ZNF518A: variants seen among roughly 807,000 people sequenced by gnomAD.
The protein encoded by ZNF518A is zinc finger protein 518.
In ZNF518A, 47 loss-of-function variants were observed where a neutral mutation model predicts 102.7. The observed-to-expected ratio is 0.46, with a 90% CI of 0.36 to 0.58. The LOEUF (loss-of-function observed/expected upper bound fraction) is 0.58, where lower values mean the gene tolerates loss of function less well. ZNF518A is among the 20% of genes least tolerant of loss of function. The pLI is 0.00. For missense variants in ZNF518A, 1,793 were observed against 1,699.8 expected, an observed-to-expected ratio of 1.05 and a Z score of -0.96; for synonymous variants, 652 against 594.6, an observed-to-expected ratio of 1.10 and a Z score of -1.40.
rs1430397243 is a variant in ZNF518A, at chr10:96,189,597, G to A, written n.36-13977G>A. 1.6e-5 allele frequency: 11 copies of A among 690,072 alleles called. No homozygotes were observed. The African/African-American group carries it at 1.9e-4, about 12-fold the overall frequency. The allele number at this position is 690,072 out of a possible 1,614,324, so 42.7% of individuals were successfully genotyped here. A position where few individuals can be genotyped will look rare whatever the true frequency, so the allele number is the denominator to read the frequency against. ...TCCTTTTAATCTTGGTGTTGATGAT[G>A]GGTTTGAGTGTTTTCTATTCTGATT... On this transcript the variant is annotated intron_variant and non_coding_transcript_variant, in intron 1 of 2. Transcript: ENST00000442635.
At chr10:96,138,174 C>G (rs2081713560) in intron 3 of ZNF518A, among the ~76,000 whole-genome samples, 1 of 152,098 alleles carries the variant, frequency 6.6e-6, no homozygotes, top group South Asian at 2.1e-4. Context: ...ACTCTTAATC[C>G]CTCCTGAATA....
rs1373078639 is a variant in ZNF518A, at chr10:96,192,080, C to T, written n.36-11494C>T. ...TGATGATTCCTGATGATTTCAGCAACACTTCCAAAGTACTAGAGGAAGAAA... is the reference window on the plus strand; with the variant it reads ...TGATGATTCCTGATGATTTCAGCAATACTTCCAAAGTACTAGAGGAAGAAA... On this transcript the variant is annotated intron_variant and non_coding_transcript_variant, in intron 1 of 2. Transcript: ENST00000442635. 7 of 1,613,698 alleles carry T rather than the reference C, an allele frequency of 4.3e-6. No homozygotes were observed. The highest frequency in any genetic ancestry group is 5.1e-6 in the Non-Finnish European group (6 of 1,179,768).
chr10:96,172,559 A>C (rs974805376), intron 1 of ZNF518A, among the ~76,000 whole-genome samples: 2 of 152,002 alleles, frequency 1.3e-5, no homozygotes, highest in Non-Finnish European at 2.9e-5. Context: ...AAGGTGGGGG[A>C]GGGAACAGAG....
chr10:96,160,540 G>A lies in ZNF518A; in HGVS notation c.4218G>A (p.Arg1406=). The change falls in exon 6 of 6, where the codon AGG becomes AGA. Residue 1406 remains arginine (R), a synonymous_variant. Coordinates refer to ENST00000316045, the MANE Select transcript of ZNF518A (RefSeq NM_001330736.2). The stretch of plus-strand genomic sequence containing the variant: ...CAACTTATGATGATTTTTCCAAGAG[G>A]CACAAAACATTTAAACCTGTTAGTT... ...PKTTYDDFSK[R]HKTFKPVSSV... is the part of the protein sequence containing the mutation. 1 of 1,611,934 alleles carries A rather than the reference G, an allele frequency of 6.2e-7. No individual in the cohort carries two copies. Among genetic ancestry groups the A allele is most frequent in the Non-Finnish European group, 8.5e-7 (1 of 1,179,234 alleles).
chr10:96,154,956 A>G (rs1383356871), intron 3 of ZNF518A, among the ~76,000 whole-genome samples: 1 of 152,198 alleles, frequency 6.6e-6, no homozygotes, highest in Non-Finnish European at 1.5e-5. Flanking sequence ...GATTAATTGA[A>G]GTTTAAAGCT....
At chr10:96,145,173 G>A (rs180926411) in intron 3 of ZNF518A, among the ~76,000 whole-genome samples, 15 of 152,124 alleles carry the variant, frequency 9.9e-5, no homozygotes, top group African/African-American at 2.9e-4. Context: ...GGGTTCAAGC[G>A]ATTTTCCTGC....
chr10:96,160,911 GT>G lies in ZNF518A; in HGVS notation c.*138del, dbSNP rs1425881163. 1 of 966,060 alleles carries G rather than the reference GT, an allele frequency of 1.0e-6. No individual in the cohort carries two copies. The allele number at this position is 966,060 out of a possible 1,614,324, so 59.8% of individuals were successfully genotyped here. A position where few individuals can be genotyped will look rare whatever the true frequency, so the allele number is the denominator to read the frequency against. The stretch of plus-strand genomic sequence containing the variant: ...CATTTTAAAAGTTGATTGTATTTCT[GT>G]GGAAGAGTAAAAGTTGTATGTATGA... On this transcript the variant is annotated 3_prime_UTR_variant, in exon 6 of 6. Coordinates refer to ENST00000316045, the MANE Select transcript of ZNF518A (RefSeq NM_001330736.2).
At chr10:96,199,007 A>T (rs1196276790) in intron 1 of ZNF518A, among the ~76,000 whole-genome samples, 1 of 152,220 alleles carries the variant, frequency 6.6e-6, no homozygotes, top group African/African-American at 2.4e-5. Flanking sequence ...CTGAGAAAAT[A>T]GTTTTGAATA....
chr10:96,140,205 A>C (rs1312216793), intron 3 of ZNF518A, among the ~76,000 whole-genome samples: 1 of 152,124 alleles, frequency 6.6e-6, no homozygotes, highest in Non-Finnish European at 1.5e-5. Flanking sequence ...TTATGGATTA[A>C]TGTGGGGAGT....
chr10:96,135,133 G>GAT (rs2142315410), intron 3 of ZNF518A: 1 of 152,318 alleles, frequency 6.6e-6, no homozygotes, highest in Non-Finnish European at 1.5e-5. Context: ...CTAGGACAAA[G>GAT]ATACTACCTT....
At position 96,140,907 on chromosome 10, in the gene ZNF518A, G is replaced by A. The variant is rs1345507396; in HGVS notation, c.-302+7259G>A. ...AATGAGCCGTAATTGTGCCATTGCA[G>A]CACTTCAGCCTGGGAGACAGAGTAA... is the stretch of plus-strand genomic sequence containing the variant. On this transcript the variant is annotated intron_variant, in intron 3 of 5. Transcript: ENST00000316045. 2.0e-5 allele frequency among the ~76,000 whole-genome samples: 3 copies of A among 152,232 alleles called. No individual in the cohort carries two copies. The East Asian group carries it at 5.8e-4, about 29-fold the overall frequency.
intron 1 of ZNF518A, among the ~76,000 whole-genome samples, chr10:96,170,261 C>T (rs1232551575): frequency 6.6e-6 from 1 of 152,138 alleles, no homozygotes; most frequent in African/African-American, 2.4e-5. Context: ...TATCTGTCAC[C>T]CCAGGCAGCA....
At chr10:96,199,592 G>T in intron 1 of ZNF518A, 2 of 451,160 alleles carry the variant, frequency 4.4e-6, no homozygotes, top group South Asian at 3.2e-5. Flanking sequence ...GAGAGGAGGG[G>T]ATAGCAGTTT....
intron 1 of ZNF518A, among the ~76,000 whole-genome samples, chr10:96,195,985 A>G (rs1288707805): frequency 6.6e-6 from 1 of 152,234 alleles, no homozygotes; most frequent in Non-Finnish European, 1.5e-5. Flanking sequence ...ACAGAGATGA[A>G]AAGACATTGT....
Position 96,159,533 on chromosome 10 carries a change from C to A in ZNF518A, c.3211C>A (p.Gln1071Lys). ...AVLIPNMLSE[Q>K]QSTKLNISDS... ...TCTTATTCCTAACATGCTATCTGAGCAACAGAGCACTAAGTTGAATATCTC... is the reference window on the plus strand; with the variant it reads ...TCTTATTCCTAACATGCTATCTGAGAAACAGAGCACTAAGTTGAATATCTC... The change falls in exon 6 of 6, where the codon CAA becomes AAA. Residue 1071 changes from glutamine (Q) to lysine (K), a missense_variant. Coordinates refer to ENST00000316045, the MANE Select transcript of ZNF518A (RefSeq NM_001330736.2). 3 of 1,613,854 alleles carry A rather than the reference C, an allele frequency of 1.9e-6. No homozygotes were observed. The highest frequency in any genetic ancestry group is 2.5e-6 in the Non-Finnish European group (3 of 1,179,790).
chr10:96,133,903 C>T (rs1375841209), intron 3 of ZNF518A, among the ~76,000 whole-genome samples: 6 of 152,140 alleles, frequency 3.9e-5, no homozygotes, highest in Non-Finnish European at 7.3e-5. Context: ...ACCACGTTAT[C>T]GTTTATGTCA....
upstream of ZNF518A, chr10:96,129,979 T>A (rs587638911): frequency 1.3e-5 from 2 of 152,668 alleles, no homozygotes; most frequent in African/African-American, 2.4e-5. Context: ...TCCGTTCTCT[T>A]CCGCTTGTCT....
chr10:96,191,622 T>C (rs889988892), intron 1 of ZNF518A: 3 of 218,700 alleles, frequency 1.4e-5, no homozygotes, highest in East Asian at 1.3e-4. Flanking sequence ...CCAATGATCA[T>C]TGTGGAGGTT....
intron 3 of ZNF518A, among the ~76,000 whole-genome samples, chr10:96,137,483 T>C (rs587635372): frequency 6.6e-6 from 1 of 152,350 alleles, no homozygotes; most frequent in Non-Finnish European, 1.5e-5. Context: ...CCACTGAAAC[T>C]GTTCTAATCC....
Sources: gnomAD v4.1 joint callset for allele counts (sites outside exome capture counted in the v4.1 genomes callset) on GRCh38, gnomAD v4.1.1 for gene constraint, MANE v1.5 for transcripts, NCBI Gene and HGNC (gene_info 2026-07-23, HGNC 2026-07-21) for gene names.